Variants in DMTN observed in about 807,000 individuals in gnomAD.
The protein encoded by DMTN is dematin.
In DMTN, 27 loss-of-function variants were observed where a neutral mutation model predicts 59.4. The observed-to-expected ratio is 0.45, with a 90% CI of 0.33 to 0.63. DMTN has a LOEUF of 0.63. Among genes scored for constraint, DMTN ranks in the 20% least tolerant of loss-of-function variants. The pLI is 0.02. For missense variants in DMTN, 451 were observed against 528.9 expected (o/e 0.85, Z 1.45); for synonymous variants, 221 against 203.7 (o/e 1.08, Z -0.72).
At chr8:22,064,071 T>TGGATGCAG (rs996948119) in intron 1 of DMTN, among the ~76,000 whole-genome samples, 1 of 152,070 alleles carries the variant, frequency 6.6e-6, no homozygotes, top group Non-Finnish European at 1.5e-5. Flanking sequence ...GAGAGATGGA[T>TGGATGCAG]GGATGCAGGG....
chr8:22,081,014 A>G lies in DMTN; in HGVS notation c.1024-99A>G. 4 of 1,483,948 alleles carry G rather than the reference A, an allele frequency of 2.7e-6. No individual in the cohort carries two copies. In the South Asian group the frequency reaches 3.6e-5, roughly 13 times the overall value. The allele number at this position is 1,483,948 out of a possible 1,614,324, so 91.9% of individuals were successfully genotyped here. On this transcript the variant is annotated intron_variant, in intron 14 of 15. Coordinates refer to ENST00000358242, the MANE Select transcript of DMTN (RefSeq NM_001387751.1). ...TGGGGGAGACAGAGGGCAAGATGGC[A>G]TGAACCCCAGTGGCCTCTGCAGGTT... is the stretch of plus-strand genomic sequence containing the variant.
At chr8:22,080,502 T>C (rs372518633) in intron 12 of DMTN, 42 bp downstream of exon 12, 2 of 1,614,156 alleles carry the variant, frequency 1.2e-6, no homozygotes, top group Non-Finnish European at 1.7e-6. Context: ...AGAAGGGGCT[T>C]ACACAGGTCC....
At chr8:22,067,781 C>T (rs939023851) in intron 4 of DMTN, 99 bp downstream of exon 4, 17 of 1,427,906 alleles carry the variant, frequency 1.2e-5, no homozygotes, top group Middle Eastern at 2.3e-4. Context: ...TGGAGGTCTG[C>T]CTCGGCAAAA....
chr8:22,078,236 G>A (rs948283605), intron 10 of DMTN, among the ~76,000 whole-genome samples: 9 of 151,850 alleles, frequency 5.9e-5, no homozygotes, highest in African/African-American at 9.7e-5. Context: ...ATGGTGGCGC[G>A]TGCCTGTAAT....
At chr8:22,081,325 G>A (rs1824172135) in intron 15 of DMTN, 25 bp from the exon 16 acceptor site, 1 of 1,609,922 alleles carries the variant, frequency 6.2e-7, no homozygotes. Flanking sequence ...CCTCCATGCT[G>A]AGCTGCCCCG....
intron 14 of DMTN, 21 bp from the exon 15 acceptor site, chr8:22,081,092 T>TGGGGGGGGGGGGGGGGGGGGCGGGGGG: frequency 6.5e-7 from 1 of 1,547,318 alleles, no homozygotes; most frequent in Non-Finnish European, 8.9e-7. Context: ...AGCCTAAGAT[T>TGGGGGGGGGGGGGGGGGGGGCGGGGGG]GCCCCTCCCC....
Position 22,067,672 on chromosome 8 carries a change from G to A in DMTN, c.239G>A (p.Arg80His), listed in dbSNP as rs962487304. 2 of 1,613,830 alleles carry A rather than the reference G, an allele frequency of 1.2e-6. No homozygotes were observed. The highest frequency in any genetic ancestry group is 1.1e-5 in the South Asian group (1 of 91,088). Residue 80 changes from arginine to histidine, a missense_variant, in exon 4 of 16, where the codon CGC (arginine) becomes CAC (histidine). Physicochemically the swap from Arg to His is conservative, Grantham distance 29. Transcript: ENST00000358242. ...YSLLEHVELPRSRERSLSPKS... is the reference protein window; with the variant it reads ...YSLLEHVELPHSRERSLSPKS... ...CTCCTGGAACACGTGGAGCTGCCTC[G>A]CAGCCGCGAGGTGAGGGGGCTCCTC...
intron 2 of DMTN, 35 bp from the exon 3 acceptor site, chr8:22,067,050 A>T (rs981980015): frequency 1.4e-6 from 2 of 1,423,938 alleles, no homozygotes; most frequent in African/African-American, 3.1e-5. Flanking sequence ...GCACACACGC[A>T]CGTGCCCACC....
upstream of DMTN, among the ~76,000 whole-genome samples, chr8:22,055,187 T>C (rs541265129): frequency 6.6e-6 from 1 of 152,230 alleles, no homozygotes; most frequent in African/African-American, 2.4e-5. Flanking sequence ...CTTCCTGGCA[T>C]CAGCTCATTC....
upstream of DMTN, among the ~76,000 whole-genome samples, chr8:22,052,920 G>A (rs947456599): frequency 1.3e-5 from 2 of 152,078 alleles, no homozygotes; most frequent in Admixed American, 6.5e-5. Flanking sequence ...GATTCTGCCC[G>A]GCTTCCACAC....
Position 22,073,727 on chromosome 8 carries a change from C to G in DMTN, c.730-3C>G. The G allele has an allele frequency of 6.2e-7, 1 of 1,607,478 alleles. No individual in the cohort carries two copies. The highest frequency in any genetic ancestry group is 8.5e-7 in the Non-Finnish European group (1 of 1,175,280). ...GGCTCCATCTTCCTTTCTCCCTCCT[C>G]AGGTTACTTCCAACTTGGGAAAGAT... is the stretch of plus-strand genomic sequence containing the variant. On this transcript the variant is annotated splice_polypyrimidine_tract_variant and splice_region_variant and intron_variant, in intron 9 of 15. Coordinates refer to ENST00000358242, the MANE Select transcript of DMTN (RefSeq NM_001387751.1).
intron 1 of DMTN, among the ~76,000 whole-genome samples, chr8:22,065,075 C>A (rs554426143): frequency 6.6e-6 from 1 of 152,160 alleles, no homozygotes; most frequent in Non-Finnish European, 1.5e-5. Flanking sequence ...TTGCCACCCA[C>A]GCTGGAATAC....
At chr8:22,064,420 C>G (rs1459345390) in intron 1 of DMTN, among the ~76,000 whole-genome samples, 1 of 151,918 alleles carries the variant, frequency 6.6e-6, no homozygotes, top group Non-Finnish European at 1.5e-5. Context: ...AGAATGGAGT[C>G]TTTCCATGGG....
Position 22,059,009 on chromosome 8 carries a change from C to T in DMTN, c.-172+1873C>T, listed in dbSNP as rs141237815. Among the ~76,000 whole-genome samples, 372 of 152,166 alleles carry T rather than the reference C, an allele frequency of 2.4e-3. 1 individual carries two copies. Among genetic ancestry groups the T allele is most frequent in the African/African-American group, 8.4e-3 (349 of 41,510 alleles). On this transcript the variant is annotated intron_variant, in intron 1 of 15. Coordinates refer to ENST00000358242, the MANE Select transcript of DMTN (RefSeq NM_001387751.1). The stretch of plus-strand genomic sequence containing the variant: ...GGAGCGCCTGGCCCCTGCCCTGCAG[C>T]GCCGCACTGCTCCACCCTCCCTGCC...
At chr8:22,055,915 G>A (rs557091635), upstream of DMTN, among the ~76,000 whole-genome samples, 1 of 152,296 alleles carries the variant, frequency 6.6e-6, no homozygotes, top group Admixed American at 6.5e-5. Flanking sequence ...CTGACCGGCT[G>A]GGGGCAGGGT....
upstream of DMTN, among the ~76,000 whole-genome samples, chr8:22,049,930 A>G (rs1801172627): frequency 6.6e-6 from 1 of 152,152 alleles, no homozygotes; most frequent in African/African-American, 2.4e-5. Context: ...AGGTGGGTGC[A>G]GCTACAGTCT....
intron 10 of DMTN, among the ~76,000 whole-genome samples, chr8:22,079,252 A>C (rs1190897637): frequency 1.8e-3 from 77 of 43,518 alleles, no homozygotes; most frequent in Non-Finnish European, 3.1e-3. Context: ...TCTACAAAAA[A>C]TAAAAATAAA....
chr8:22,061,196 TG>T (rs1451616434), intron 1 of DMTN, among the ~76,000 whole-genome samples: 2 of 147,474 alleles, frequency 1.4e-5, no homozygotes, highest in African/African-American at 5.1e-5. Context: ...GGCAGGAGAA[TG>T]GGTTGGGCCT....
Position 22,081,333 on chromosome 8 carries a change from C to T in DMTN, c.1105-17C>T, listed in dbSNP as rs1463706230. The T allele has an allele frequency of 8.1e-6, 13 of 1,612,596 alleles. No individual in the cohort carries two copies. The highest frequency in any genetic ancestry group is 1.1e-5 in the Non-Finnish European group (13 of 1,178,776). ...CCCTCCCCCTCCATGCTGAGCTGCC[C>T]CGATTCCCCCATGTAGAGGCATCTG... On this transcript the variant is annotated splice_polypyrimidine_tract_variant and intron_variant, in intron 15 of 15. Coordinates refer to ENST00000358242, the MANE Select transcript of DMTN (RefSeq NM_001387751.1).
Sources: gnomAD v4.1 joint callset for allele counts (sites outside exome capture counted in the v4.1 genomes callset) on GRCh38, gnomAD v4.1.1 for gene constraint, MANE v1.5 for transcripts, NCBI Gene and HGNC (gene_info 2026-07-23, HGNC 2026-07-21) for gene names.